The following THSD7B variants were observed in gnomAD, a reference collection of about 807,000 sequenced individuals.
THSD7B encodes thrombospondin type 1 domain containing 7B.
A neutral mutation model predicts 213.6 loss-of-function variants in THSD7B; 138 were observed. The observed-to-expected ratio is 0.65, with a 90% CI of 0.56 to 0.74. THSD7B has a LOEUF of 0.74. Among genes scored for constraint, THSD7B ranks in the 30% least tolerant of loss-of-function variants. The pLI is 0.00. For synonymous variants in THSD7B, 742 were observed against 687.0 expected, an observed-to-expected ratio of 1.08 and a Z score of -1.25; for missense variants, 1,931 against 1,991.5, an observed-to-expected ratio of 0.97 and a Z score of 0.58.
At position 137,677,219 on chromosome 2, in the gene THSD7B, G is replaced by A. The variant is rs1459379870; in HGVS notation, c.*614G>A. ...GGATGATGGCGCTTCATGGGTTGCA[G>A]CTACTGAAAATAGCAGCGTGTGTGT... On this transcript the variant is annotated 3_prime_UTR_variant, in exon 28 of 28. Coordinates refer to ENST00000409968, the MANE Select transcript of THSD7B (RefSeq NM_001316349.2). 4 of 152,632 alleles carry A rather than the reference G, an allele frequency of 2.6e-5. No homozygotes were observed. Among genetic ancestry groups the A allele is most frequent in the Admixed American group, 1.3e-4 (2 of 15,278 alleles). 9.5% of individuals were successfully genotyped at this position (152,632 alleles called of 1,614,324 possible).
chr2:137,132,707 C>G (rs936609106), intron 5 of THSD7B, among the ~76,000 whole-genome samples: 3 of 152,176 alleles, frequency 2.0e-5, no homozygotes, highest in Non-Finnish European at 4.4e-5. Context: ...GCAAACCTCT[C>G]TCAGACAGTG....
intron 15 of THSD7B, among the ~76,000 whole-genome samples, chr2:137,494,459 T>A (rs1679513654): frequency 6.6e-6 from 1 of 152,164 alleles, no homozygotes; most frequent in Non-Finnish European, 1.5e-5. Context: ...AAGATGATAG[T>A]TAGCTGAGAT....
At chr2:137,184,540 A>G (rs934791970) in intron 7 of THSD7B, among the ~76,000 whole-genome samples, 3 of 152,168 alleles carry the variant, frequency 2.0e-5, no homozygotes, top group Non-Finnish European at 2.9e-5. Context: ...GCTACTATGA[A>G]ATAATGAAAT....
At chr2:137,224,307 T>A (rs1020552340) in intron 7 of THSD7B, among the ~76,000 whole-genome samples, 1 of 152,168 alleles carries the variant, frequency 6.6e-6, no homozygotes, top group Non-Finnish European at 1.5e-5. Context: ...TAAATTGTCC[T>A]GAGAGAGAAT....
At chr2:137,188,279 CCTCT>C (rs1178058871) in intron 7 of THSD7B, among the ~76,000 whole-genome samples, 1 of 152,120 alleles carries the variant, frequency 6.6e-6, no homozygotes, top group Admixed American at 6.6e-5. Context: ...GCTCCTTCTC[CCTCT>C]CTATTTACCA....
intron 1 of THSD7B, among the ~76,000 whole-genome samples, chr2:136,835,625 G>A (rs565506035): frequency 4.6e-5 from 7 of 152,236 alleles, no homozygotes; most frequent in Admixed American, 6.5e-5. Flanking sequence ...TATATATTTC[G>A]TCTTTGCGGG....
chr2:136,843,255 T>A (rs1165534469), intron 1 of THSD7B, among the ~76,000 whole-genome samples: 1 of 152,206 alleles, frequency 6.6e-6, no homozygotes, highest in South Asian at 2.1e-4. Context: ...TGGTGTCTAT[T>A]GGGAGAAAAG....
At chr2:137,291,501 G>T (rs2104833558) in intron 12 of THSD7B, among the ~76,000 whole-genome samples, 1 of 152,222 alleles carries the variant, frequency 6.6e-6, no homozygotes, top group East Asian at 1.9e-4. Context: ...GAGGTTCAGA[G>T]CTTTGGCAAA....
chr2:137,464,409 G>A (rs1687948097), intron 15 of THSD7B, among the ~76,000 whole-genome samples: 1 of 152,030 alleles, frequency 6.6e-6, no homozygotes, highest in South Asian at 2.1e-4. Context: ...AGAAGAAGAA[G>A]CCAAGAGAGA....
chr2:137,527,080 G>A (rs986837891), intron 15 of THSD7B, among the ~76,000 whole-genome samples: 1 of 152,114 alleles, frequency 6.6e-6, no homozygotes, highest in African/African-American at 2.4e-5. Flanking sequence ...TTGATTAAAG[G>A]ATTAAAATAA....
At chr2:137,619,719 C>CAT (rs1246054188) in intron 19 of THSD7B, among the ~76,000 whole-genome samples, 1 of 152,108 alleles carries the variant, frequency 6.6e-6, no homozygotes, top group Non-Finnish European at 1.5e-5. Flanking sequence ...TTCCAGATAC[C>CAT]ATATGCCCAA....
intron 2 of THSD7B, among the ~76,000 whole-genome samples, chr2:137,029,848 C>T (rs987002060): frequency 2.6e-5 from 4 of 152,248 alleles, no homozygotes; most frequent in Non-Finnish European, 4.4e-5. Context: ...TAGTGTTCCA[C>T]GGAGCATAGC....
intron 1 of THSD7B, among the ~76,000 whole-genome samples, chr2:136,772,068 G>A (rs1461750297): frequency 6.6e-6 from 1 of 151,980 alleles, no homozygotes; most frequent in African/African-American, 2.4e-5. Flanking sequence ...ACAATCTGAG[G>A]GACCTCTGGT....
chr2:137,273,164 A>T (rs1174052155), intron 11 of THSD7B, among the ~76,000 whole-genome samples: 1 of 151,924 alleles, frequency 6.6e-6, no homozygotes, highest in African/African-American at 2.4e-5. Flanking sequence ...TTTTAATTAA[A>T]AATTTTTTGG....
intron 5 of THSD7B, among the ~76,000 whole-genome samples, chr2:137,149,394 G>A (rs767501278): frequency 3.3e-5 from 5 of 152,118 alleles, no homozygotes; most frequent in Non-Finnish European, 7.3e-5. Context: ...CTGCCTAGTA[G>A]AGCTGTGAGA....
intron 4 of THSD7B, among the ~76,000 whole-genome samples, chr2:137,103,205 A>T (rs774370774): frequency 1.8e-4 from 27 of 151,668 alleles, no homozygotes; most frequent in Admixed American, 2.6e-4. Context: ...GAAACCCTAC[A>T]AGCTAGAAGA....
At chr2:137,371,373 G>A (rs571328773) in intron 12 of THSD7B, among the ~76,000 whole-genome samples, 13 of 152,124 alleles carry the variant, frequency 8.5e-5, no homozygotes, top group African/African-American at 1.9e-4. Context: ...ATTCTAAGTC[G>A]GACACAGTTT....
chr2:137,048,915 A>T (rs1339602863), intron 2 of THSD7B, among the ~76,000 whole-genome samples: 1 of 152,216 alleles, frequency 6.6e-6, no homozygotes, highest in Non-Finnish European at 1.5e-5. Context: ...CTCAAGGAGA[A>T]AGTCCTTCAG....
chr2:137,284,676 G>A (rs1440808429), intron 12 of THSD7B, among the ~76,000 whole-genome samples: 1 of 152,128 alleles, frequency 6.6e-6, no homozygotes, highest in East Asian at 1.9e-4. Flanking sequence ...TCATTCAGGA[G>A]CAGGTTGTTC....
Sources: gnomAD v4.1 joint callset for allele counts (sites outside exome capture counted in the v4.1 genomes callset) on GRCh38, gnomAD v4.1.1 for gene constraint, MANE v1.5 for transcripts, NCBI Gene and HGNC (gene_info 2026-07-23, HGNC 2026-07-21) for gene names.